Variants in CHSY3 observed in about 807,000 individuals in gnomAD.
CHSY3 encodes the protein chondroitin sulfate synthase 3.
In CHSY3, 35 loss-of-function variants were observed where a neutral mutation model predicts 67.2. The observed-to-expected ratio is 0.52, with a 90% CI of 0.40 to 0.69. CHSY3 has a LOEUF of 0.69. Ranked by LOEUF, CHSY3 falls within the 30% of genes least tolerant of loss-of-function variation. The probability of loss-of-function intolerance (pLI) is 0.00; values close to 1 mark genes in which losing one functional copy is unlikely to be tolerated. For synonymous variants in CHSY3, 474 were observed against 434.7 expected, an observed-to-expected ratio of 1.09 and a Z score of -1.12; for missense variants, 1,069 against 1,138.5, an observed-to-expected ratio of 0.94 and a Z score of 0.88.
At chr5:129,912,048 G>A (rs1239531529) in intron 2 of CHSY3, among the ~76,000 whole-genome samples, 1 of 152,038 alleles carries the variant, frequency 6.6e-6, no homozygotes, top group Non-Finnish European at 1.5e-5. Context: ...GCAAGACTCC[G>A]TCTCAAAGAA....
intron 2 of CHSY3, among the ~76,000 whole-genome samples, chr5:130,031,437 C>A (rs2149660190): frequency 6.6e-6 from 1 of 152,186 alleles, no homozygotes; most frequent in South Asian, 2.1e-4. Flanking sequence ...ACTAGAACAT[C>A]CCCCAGATTA....
At chr5:130,109,896 C>A (rs1767537153) in intron 2 of CHSY3, among the ~76,000 whole-genome samples, 1 of 151,688 alleles carries the variant, frequency 6.6e-6, no homozygotes, top group African/African-American at 2.4e-5. Flanking sequence ...CTCCACAGAT[C>A]TCCATAAGGG....
chr5:129,953,821 G>A (rs1762094075), intron 2 of CHSY3, among the ~76,000 whole-genome samples: 1 of 151,938 alleles, frequency 6.6e-6, no homozygotes, highest in Non-Finnish European at 1.5e-5. Flanking sequence ...CTTTTTGATG[G>A]GGTTGTTTGT....
At chr5:130,128,721 T>C (rs1768380642) in intron 2 of CHSY3, among the ~76,000 whole-genome samples, 1 of 152,132 alleles carries the variant, frequency 6.6e-6, no homozygotes, top group African/African-American at 2.4e-5. Flanking sequence ...GTCATACATA[T>C]GTCTGTGGCC....
chr5:129,998,721 C>A (rs1254952761), intron 2 of CHSY3, among the ~76,000 whole-genome samples: 1 of 151,856 alleles, frequency 6.6e-6, no homozygotes, highest in Non-Finnish European at 1.5e-5. Flanking sequence ...GGCTTAAGAT[C>A]TTTCAAATCT....
intron 2 of CHSY3, among the ~76,000 whole-genome samples, chr5:130,160,472 A>G (rs1201874345): frequency 6.6e-6 from 1 of 152,058 alleles, no homozygotes; most frequent in Non-Finnish European, 1.5e-5. Context: ...CCCTTTTTAA[A>G]TCCATCCCTT....
At chr5:129,975,165 A>C (rs190969860) in intron 2 of CHSY3, among the ~76,000 whole-genome samples, 20 of 152,146 alleles carry the variant, frequency 1.3e-4, no homozygotes, top group Admixed American at 1.3e-3. Flanking sequence ...AACATGGCAC[A>C]TGTATACATA....
chr5:130,020,461 A>ATTTTT (rs1196155924), intron 2 of CHSY3, among the ~76,000 whole-genome samples: 9 of 79,930 alleles, frequency 1.1e-4, no homozygotes, highest in African/African-American at 2.4e-4. Context: ...ATATATATAT[A>ATTTTT]TTTTTTTTTT....
At chr5:130,083,329 C>A (rs552536385) in intron 2 of CHSY3, among the ~76,000 whole-genome samples, 1 of 152,174 alleles carries the variant, frequency 6.6e-6, no homozygotes, top group African/African-American at 2.4e-5. Flanking sequence ...AAAGCAAGTA[C>A]TGAGCTGGCA....
intron 2 of CHSY3, among the ~76,000 whole-genome samples, chr5:130,019,936 G>A (rs1764318416): frequency 6.6e-6 from 1 of 152,088 alleles, no homozygotes; most frequent in Non-Finnish European, 1.5e-5. Context: ...GATTTATTTT[G>A]CATTATAATT....
At chr5:130,103,248 T>A (rs1482545798) in intron 2 of CHSY3, among the ~76,000 whole-genome samples, 1 of 152,042 alleles carries the variant, frequency 6.6e-6, no homozygotes, top group Admixed American at 6.6e-5. Flanking sequence ...GCAAGTTCTA[T>A]GACAAACCTA....
chr5:130,045,161 G>A (rs935952244), intron 2 of CHSY3, among the ~76,000 whole-genome samples: 7 of 151,814 alleles, frequency 4.6e-5, no homozygotes, highest in African/African-American at 9.7e-5. Context: ...TGTCAGTTTG[G>A]GTTTTTAATA....
intron 2 of CHSY3, among the ~76,000 whole-genome samples, chr5:130,041,621 T>G (rs982678693): frequency 6.6e-6 from 1 of 151,954 alleles, no homozygotes; most frequent in African/African-American, 2.4e-5. Flanking sequence ...TAATATTTAG[T>G]GAAAGAGAAA....
intron 2 of CHSY3, among the ~76,000 whole-genome samples, chr5:130,083,899 CT>C (rs981090850): frequency 1.2e-4 from 18 of 151,150 alleles, no homozygotes; most frequent in African/African-American, 4.1e-4. Context: ...TTTCTGTTTT[CT>C]TTTTTTCCTC....
chr5:130,002,022 T>G, intron 2 of CHSY3: 1 of 877,982 alleles, frequency 1.1e-6, no homozygotes, highest in Non-Finnish European at 1.4e-6. Flanking sequence ...TAAGTCCTTT[T>G]TCTGTGTTCT....
rs1357487871 is a variant in CHSY3 at position 129,905,007 on chromosome 5, C to G, written c.178C>G (p.Gln60Glu). The G allele has an allele frequency of 6.4e-7, 1 of 1,565,030 alleles. No individual in the cohort carries two copies. Among genetic ancestry groups the G allele is most frequent in the Non-Finnish European group, 8.6e-7 (1 of 1,162,002 alleles). ...TGCTGCTGGCCCCCGCGCCGGCGCTCAGCAGCCGCTCCCCCAGCCCCAGTC... is the reference window on the plus strand; with the variant it reads ...TGCTGCTGGCCCCCGCGCCGGCGCTGAGCAGCCGCTCCCCCAGCCCCAGTC... Reference protein sequence around the residue: ...RSAAGPRAGAQQPLPQPQSRP... With the variant: ...RSAAGPRAGAEQPLPQPQSRP... Residue 60 changes from glutamine to glutamate, a missense_variant, in exon 1 of 3, where the codon CAG (glutamine) becomes GAG (glutamate). Gln to Glu is a conservative substitution (Grantham distance 29, BLOSUM62 2). Around this residue, in one of 5 missense-constraint regions of CHSY3, gnomAD observed 309 missense variants for 262.5 expected, o/e 1.18. Coordinates refer to ENST00000305031, the MANE Select transcript of CHSY3 (RefSeq NM_175856.5).
Position 130,133,113 on chromosome 5 carries a change from G to A in CHSY3, c.1087-51116G>A, listed in dbSNP as rs535998417. On this transcript the variant is annotated intron_variant, in intron 2 of 2. Transcript: ENST00000305031. ...GGCATGCTGGAGAGATGTGTCCTGA[G>A]ATGTTTATGTAAAAGGTTGTATACT... Among the ~76,000 whole-genome samples, 4 of 152,266 alleles carry A rather than the reference G, an allele frequency of 2.6e-5. No homozygotes were observed. In the South Asian group the frequency reaches 8.3e-4, roughly 32 times the overall value.
At chr5:130,091,640 T>G (rs188265914) in intron 2 of CHSY3, among the ~76,000 whole-genome samples, 79 of 152,246 alleles carry the variant, frequency 5.2e-4, no homozygotes, top group African/African-American at 1.9e-3. Flanking sequence ...ATAATTACAC[T>G]TCATAAAGTT....
chr5:129,965,472 A>G (rs1220400638), intron 2 of CHSY3, among the ~76,000 whole-genome samples: 1 of 151,942 alleles, frequency 6.6e-6, no homozygotes, highest in African/African-American at 2.4e-5. Flanking sequence ...TATTGTACAT[A>G]GTTCACTTTG....
Sources: gnomAD v4.1 joint callset for allele counts (sites outside exome capture counted in the v4.1 genomes callset) on GRCh38, gnomAD v4.1.1 for gene constraint, gnomAD v4.1.1 regional missense constraint, MANE v1.5 for transcripts, NCBI Gene and HGNC (gene_info 2026-07-23, HGNC 2026-07-21) for gene names.